The following MAP4K5 variants were observed in gnomAD, a reference collection of about 807,000 sequenced individuals.
MAP4K5 encodes the protein mitogen-activated protein kinase kinase kinase kinase 5, also known as MAPK/ERK kinase kinase kinase 5.
A neutral mutation model predicts 135.6 loss-of-function variants in MAP4K5; 82 were observed. The ratio of observed to expected loss-of-function variants is 0.60; its 90% CI spans 0.51 to 0.73. The LOEUF (loss-of-function observed/expected upper bound fraction) is 0.73. MAP4K5 is among the 30% of genes least tolerant of loss of function. MAP4K5 has a pLI of 0.00. For synonymous variants in MAP4K5, 347 were observed against 335.0 expected (o/e 1.04, Z -0.39); for missense variants, 907 against 1,010.9 (o/e 0.90, Z 1.39).
chr14:50,472,655 C>T (rs1453757836), intron 9 of MAP4K5: 1 of 152,118 alleles, frequency 6.6e-6, no homozygotes, highest in Non-Finnish European at 1.5e-5. Context: ...TCTGAAAATC[C>T]CTGTAAACAT....
At chr14:50,438,363 C>G (rs1479374287) in intron 23 of MAP4K5, 1 of 191,730 alleles carries the variant, frequency 5.2e-6, no homozygotes, top group African/African-American at 2.4e-5. Context: ...TATTTTAATA[C>G]AAGATGGAAA....
intron 3 of MAP4K5, among the ~76,000 whole-genome samples, chr14:50,489,186 C>G (rs1453221089): frequency 2.0e-5 from 3 of 152,084 alleles, no homozygotes; most frequent in African/African-American, 7.2e-5. Flanking sequence ...GAGATCTCGT[C>G]TTTCCAAAAT....
chr14:50,436,586 C>T (rs1276780074), intron 26 of MAP4K5, among the ~76,000 whole-genome samples: 1 of 150,656 alleles, frequency 6.6e-6, no homozygotes, highest in Non-Finnish European at 1.5e-5. Flanking sequence ...TGGGTGGGGG[C>T]TTTGGGTCAT....
chr14:50,554,359 G>A (rs1240560400), intron 1 of MAP4K5, among the ~76,000 whole-genome samples: 2 of 152,088 alleles, frequency 1.3e-5, no homozygotes, highest in African/African-American at 4.8e-5. Flanking sequence ...ATGATGTTTT[G>A]TATACTGTAG....
chr14:50,473,815 C>T (rs901488440), intron 9 of MAP4K5, among the ~76,000 whole-genome samples: 1 of 150,274 alleles, frequency 6.7e-6, no homozygotes, highest in Admixed American at 6.7e-5. Context: ...GCTCTGACTC[C>T]TGGGTTCACG....
At chr14:50,481,587 T>A (rs1280483185) in intron 6 of MAP4K5, among the ~76,000 whole-genome samples, 1 of 152,172 alleles carries the variant, frequency 6.6e-6, no homozygotes, top group East Asian at 1.9e-4. Flanking sequence ...CACTACTACT[T>A]ATTCCCTCCT....
chr14:50,447,521 AC>A, intron 15 of MAP4K5, 40 bp from the exon 16 acceptor site: 4 of 1,100,746 alleles, frequency 3.6e-6, no homozygotes, highest in Non-Finnish European at 4.0e-6. Flanking sequence ...TTACTTTGTA[AC>A]AGGTATTAAC....
intron 6 of MAP4K5, among the ~76,000 whole-genome samples, chr14:50,481,104 T>C (rs1375124483): frequency 6.6e-6 from 1 of 151,770 alleles, no homozygotes; most frequent in Non-Finnish European, 1.5e-5. Flanking sequence ...GTACTTTGTT[T>C]AATACTTAGG....
At chr14:50,476,228 T>C in intron 7 of MAP4K5, 31 bp downstream of exon 7, 2 of 1,485,522 alleles carry the variant, frequency 1.3e-6, no homozygotes, top group South Asian at 1.3e-5. Flanking sequence ...TCCAATAGAA[T>C]TGGCAATTTA....
chr14:50,547,238 A>C lies in MAP4K5; in HGVS notation c.-179-4654T>G, dbSNP rs948985219. Among the ~76,000 whole-genome samples the C allele has an allele frequency of 3.9e-5, 6 of 152,328 alleles. No individual in the cohort carries two copies. The South Asian group carries it at 8.3e-4, about 21-fold the overall frequency. ...CGAATGAATTGGATAGATATGAATG[A>C]GATAAATGCTTATAGGTGAACTCTT... On this transcript the variant is annotated intron_variant, in intron 1 of 8. Transcript: ENST00000555216.
At position 50,434,428 on chromosome 14, in the gene MAP4K5, G is replaced by C; in HGVS notation, c.2130C>G (p.Asn710Lys). ...QVVQFETINL[N>K]SASSWFTEIG... ...TTTCTGTAAACCATGAAGATGCAGA[G>C]TTCAAATTGATTGTCTCAAACTGAA... Residue 710 changes from asparagine to lysine, a missense_variant, in exon 28 of 33, where the codon AAC becomes AAG. Coordinates refer to ENST00000682126, the MANE Select transcript of MAP4K5 (RefSeq NM_006575.6). 2 of 1,609,844 alleles carry C rather than the reference G, an allele frequency of 1.2e-6. No homozygotes were observed. Among genetic ancestry groups the C allele is most frequent in the Non-Finnish European group, 1.7e-6 (2 of 1,177,944 alleles).
intron 14 of MAP4K5, among the ~76,000 whole-genome samples, chr14:50,451,949 G>A (rs558021761): frequency 5.9e-5 from 9 of 152,184 alleles, no homozygotes; most frequent in African/African-American, 1.2e-4. Context: ...TGACTTTCTC[G>A]TGGTACAAAA....
intron 2 of MAP4K5, among the ~76,000 whole-genome samples, chr14:50,516,923 ACT>A (rs1386506141): frequency 6.6e-6 from 1 of 152,040 alleles, no homozygotes; most frequent in Non-Finnish European, 1.5e-5. Flanking sequence ...TCTAATTCTA[ACT>A]CTGCTCAGAT....
At chr14:50,438,482 A>G (rs1344009873) in intron 23 of MAP4K5, 1 of 154,968 alleles carries the variant, frequency 6.5e-6, no homozygotes, top group Non-Finnish European at 1.4e-5. Context: ...AATATAACAG[A>G]TGGAAATACT....
At chr14:50,554,602 A>G (rs2038742823) in intron 1 of MAP4K5, among the ~76,000 whole-genome samples, 1 of 152,244 alleles carries the variant, frequency 6.6e-6, no homozygotes. Flanking sequence ...CTGGAGGAGC[A>G]GGTGTCCCTG....
Position 50,532,055 on chromosome 14 carries a change from C to T in MAP4K5, c.-6G>A. 1.3e-6 allele frequency: 2 copies of T among 1,539,148 alleles called. No individual in the cohort carries two copies. The highest frequency in any genetic ancestry group is 1.8e-6 in the Non-Finnish European group (2 of 1,134,196). ...GGCCGCAGCGGGGCCTCCATCTTCACTTAGGGCCCGGCCCCCGCCAGCTCA... is the reference window on the plus strand; with the variant it reads ...GGCCGCAGCGGGGCCTCCATCTTCATTTAGGGCCCGGCCCCCGCCAGCTCA... On this transcript the variant is annotated 5_prime_UTR_variant, in exon 2 of 33. It adds an upstream start codon to the 5' untranslated region. Transcript: ENST00000682126.
intron 2 of MAP4K5, chr14:50,505,075 C>CA: frequency 2.6e-6 from 1 of 386,568 alleles, no homozygotes; most frequent in South Asian, 6.6e-5. Flanking sequence ...TCCCACCACT[C>CA]AAAAACAGCT....
At chr14:50,546,612 A>G (rs1350465894) in intron 1 of MAP4K5, among the ~76,000 whole-genome samples, 1 of 152,174 alleles carries the variant, frequency 6.6e-6, no homozygotes, top group African/African-American at 2.4e-5. Context: ...GTCTGCATAC[A>G]TTTTTGTCTA....
chr14:50,480,323 A>T (rs1372111026), intron 6 of MAP4K5, among the ~76,000 whole-genome samples: 1 of 151,978 alleles, frequency 6.6e-6, no homozygotes, highest in East Asian at 1.9e-4. Flanking sequence ...ACACTCTGTT[A>T]TATTAAAATA....
Sources: gnomAD v4.1 joint callset for allele counts (sites outside exome capture counted in the v4.1 genomes callset) on GRCh38, gnomAD v4.1.1 for gene constraint, MANE v1.5 for transcripts, NCBI Gene and HGNC (gene_info 2026-07-23, HGNC 2026-07-21) for gene names.